The following LY75 variants were observed in gnomAD, a reference collection of about 807,000 sequenced individuals.
LY75 encodes the protein C-type lectin domain family 13 member B.
Under a neutral mutation model 231.7 loss-of-function variants are expected in LY75, and 185 were observed. That is an observed-to-expected ratio of 0.80 (90% CI 0.71 to 0.90). The LOEUF (loss-of-function observed/expected upper bound fraction) is 0.90. Ranked by LOEUF, LY75 falls within the 40% of genes least tolerant of loss-of-function variation. LY75 has a pLI of 0.00. For synonymous variants in LY75, 668 were observed against 689.0 expected, an observed-to-expected ratio of 0.97 and a Z score of 0.48; for missense variants, 1,947 against 2,050.2, an observed-to-expected ratio of 0.95 and a Z score of 0.97.
chr2:159,889,520 A>AC (rs1157918957), intron 4 of LY75, among the ~76,000 whole-genome samples: 1 of 152,066 alleles, frequency 6.6e-6, no homozygotes, highest in Admixed American at 6.6e-5. Context: ...GAGCCACCGC[A>AC]CCTGGCCAAT....
chr2:159,864,309 T>C (rs1031574773), intron 14 of LY75, among the ~76,000 whole-genome samples: 6 of 152,176 alleles, frequency 3.9e-5, no homozygotes, highest in African/African-American at 1.2e-4. Context: ...AAAAAAATCC[T>C]TGTCCAGACC....
At chr2:159,831,588 A>G (rs1227012467) in intron 28 of LY75, 82 bp downstream of exon 28, 36 of 1,435,676 alleles carry the variant, frequency 2.5e-5, no homozygotes, top group Non-Finnish European at 3.2e-5. Context: ...ATAGACATGT[A>G]CTTTGAAGAA....
intron 7 of LY75, 77 bp downstream of exon 7, chr2:159,882,047 T>G: frequency 6.7e-7 from 1 of 1,497,296 alleles, no homozygotes; most frequent in Non-Finnish European, 9.0e-7. Flanking sequence ...AAGCTTTTCA[T>G]TCCCACAAAG....
At chr2:159,813,531 G>C (rs900629029) in intron 31 of LY75, among the ~76,000 whole-genome samples, 1 of 152,060 alleles carries the variant, frequency 6.6e-6, no homozygotes, top group African/African-American at 2.4e-5. Flanking sequence ...AATCTGTCTC[G>C]TGCCTCCCTC....
chr2:159,894,166 T>A (rs1685840912), intron 2 of LY75, 82 bp from the exon 3 acceptor site: 5 of 1,465,830 alleles, frequency 3.4e-6, no homozygotes, highest in Non-Finnish European at 4.6e-6. Context: ...AAACTGTTTT[T>A]AAAAGAAACG....
At chr2:159,900,601 C>T (rs1686045134) in intron 1 of LY75, among the ~76,000 whole-genome samples, 1 of 152,160 alleles carries the variant, frequency 6.6e-6, no homozygotes, top group South Asian at 2.1e-4. Context: ...AATTCCCATA[C>T]CAGGGACTGG....
chr2:159,901,524 A>C (rs1686078574), intron 1 of LY75, among the ~76,000 whole-genome samples: 1 of 152,230 alleles, frequency 6.6e-6, no homozygotes, highest in Non-Finnish European at 1.5e-5. Flanking sequence ...GGGAAGCAGC[A>C]GCTTTGCCTT....
intron 33 of LY75, 47 bp from the exon 34 acceptor site, chr2:159,807,187 G>T: frequency 6.4e-7 from 1 of 1,569,084 alleles, no homozygotes; most frequent in African/African-American, 1.4e-5. Flanking sequence ...CACTAAACTA[G>T]TAAGTTACAA....
intron 15 of LY75, 91 bp downstream of exon 15, chr2:159,860,730 C>T: frequency 6.7e-7 from 1 of 1,494,284 alleles, no homozygotes; most frequent in Middle Eastern, 1.7e-4. Flanking sequence ...TCATGCTTCA[C>T]ATAAAAAGAC....
intron 20 of LY75, among the ~76,000 whole-genome samples, chr2:159,852,747 T>C (rs903609941): frequency 6.6e-6 from 1 of 152,168 alleles, no homozygotes; most frequent in Non-Finnish European, 1.5e-5. Context: ...AGCAACCCAG[T>C]AGTAAAGAAA....
At chr2:159,888,771 G>A (rs553601916) in intron 4 of LY75, among the ~76,000 whole-genome samples, 13 of 152,152 alleles carry the variant, frequency 8.5e-5, no homozygotes, top group Admixed American at 2.0e-4. Context: ...ATTTATATGT[G>A]TGATACAATT....
At chr2:159,867,888 T>C (rs1217581712) in intron 13 of LY75, among the ~76,000 whole-genome samples, 2 of 152,162 alleles carry the variant, frequency 1.3e-5, no homozygotes, top group Non-Finnish European at 2.9e-5. Flanking sequence ...CCATGAATCC[T>C]TTTCACTGAA....
intron 1 of LY75, chr2:159,903,440 T>C (rs1485715015): frequency 6.6e-6 from 1 of 152,186 alleles, no homozygotes; most frequent in Non-Finnish European, 1.5e-5. Context: ...AGGATTCTTT[T>C]GGTAGTTCCT....
chr2:159,808,177 G>T, intron 33 of LY75: 1 of 947,616 alleles, frequency 1.1e-6, no homozygotes, highest in Non-Finnish European at 1.3e-6. Flanking sequence ...ATGTCCTGAT[G>T]TTGATCCAAG....
chr2:159,869,389 G>T (rs529891518), intron 13 of LY75, among the ~76,000 whole-genome samples: 1 of 152,136 alleles, frequency 6.6e-6, no homozygotes, highest in Non-Finnish European at 1.5e-5. Context: ...TGGAGGCTTT[G>T]GTCATGAGCA....
Position 159,875,556 on chromosome 2 carries a change from G to A in LY75, c.1862C>T (p.Ser621Leu). The change falls in exon 12 of 35, where the codon TCA (serine) becomes TTA (leucine). Residue 621 changes from serine (S) to leucine (L), a missense_variant. Coordinates refer to ENST00000263636, the MANE Select transcript of LY75 (RefSeq NM_002349.4). ...GGGTCCACTCATTTTCTTGCAAATT[G>A]AAAGTGCTTTGAAGCTTCTGCAGTC... Reference protein sequence around the residue: ...VKDCRSFKALSICKKMSGPLG... With the variant: ...VKDCRSFKALLICKKMSGPLG... The A allele has an allele frequency of 6.2e-7, 1 of 1,614,094 alleles. No homozygotes were observed. Among genetic ancestry groups the A allele is most frequent in the Non-Finnish European group, 8.5e-7 (1 of 1,180,004 alleles).
chr2:159,863,627 G>C (rs1684776876), intron 14 of LY75, among the ~76,000 whole-genome samples: 1 of 152,042 alleles, frequency 6.6e-6, no homozygotes, highest in African/African-American at 2.4e-5. Flanking sequence ...CAGTCATTTG[G>C]CCATTTTAAA....
chr2:159,824,183 T>C (rs940341502), intron 28 of LY75, among the ~76,000 whole-genome samples: 6 of 152,164 alleles, frequency 3.9e-5, no homozygotes, highest in Non-Finnish European at 7.3e-5. Context: ...GACCCATCAA[T>C]GTGCTGTTCA....
Position 159,807,008 on chromosome 2 carries a change from T to C in LY75, c.4955A>G (p.His1652Arg), listed in dbSNP as rs772928189. 8 of 1,613,954 alleles carry C rather than the reference T, an allele frequency of 5.0e-6. No individual in the cohort carries two copies. The highest frequency in any genetic ancestry group is 2.2e-5 in the East Asian group (1 of 44,866). The stretch of plus-strand genomic sequence containing the variant: ...TTTGCAGACAACTCTTCCAAAACCA[T>C]GTTCACATTCAACTTTTTTCCAAGT... Reference protein sequence around the residue: ...NETWKKVECEHGFGRVVCKVP... With the variant: ...NETWKKVECERGFGRVVCKVP... The change falls in exon 34 of 35, where the codon CAT (histidine) becomes CGT (arginine). Residue 1652 changes from histidine (H) to arginine (R), a missense_variant. Coordinates refer to ENST00000263636, the MANE Select transcript of LY75 (RefSeq NM_002349.4).
Sources: gnomAD v4.1 joint callset for allele counts (sites outside exome capture counted in the v4.1 genomes callset) on GRCh38, gnomAD v4.1.1 for gene constraint, MANE v1.5 for transcripts, NCBI Gene and HGNC (gene_info 2026-07-23, HGNC 2026-07-21) for gene names.